PHACTR1: variants seen among roughly 807,000 people sequenced by gnomAD.
PHACTR1 encodes phosphatase and actin regulator 1, also known as RPEL repeat containing 1.
In PHACTR1, 16 loss-of-function variants were observed where a neutral mutation model predicts 69.2. The observed-to-expected ratio is 0.23, with a 90% confidence interval of 0.16 to 0.35. The LOEUF is 0.35. Among genes scored for constraint, PHACTR1 ranks in the 10% least tolerant of loss-of-function variants. PHACTR1 has a pLI of 1.00. For synonymous variants in PHACTR1, 312 were observed against 284.5 expected, an observed-to-expected ratio of 1.10 and a Z score of -0.97; for missense variants, 510 against 734.7, an observed-to-expected ratio of 0.69 and a Z score of 3.54.
At chr6:12,973,220 A>G (rs1794448809) in intron 4 of PHACTR1, among the ~76,000 whole-genome samples, 1 of 152,192 alleles carries the variant, frequency 6.6e-6, no homozygotes, top group Non-Finnish European at 1.5e-5. Flanking sequence ...AGTCTTCCAC[A>G]TTTTGACCTT....
intron 7 of PHACTR1, among the ~76,000 whole-genome samples, chr6:13,202,734 C>T (rs1048449161): frequency 2.0e-5 from 3 of 152,220 alleles, no homozygotes; most frequent in Non-Finnish European, 2.9e-5. Flanking sequence ...GCCTCGGCCT[C>T]GAAAAGTGCT....
intron 4 of PHACTR1, among the ~76,000 whole-genome samples, chr6:12,902,515 G>A (rs1561994967): frequency 1.3e-5 from 2 of 152,066 alleles, no homozygotes; most frequent in South Asian, 4.2e-4. Context: ...GAACTTCTAG[G>A]TTCTTCCATT....
chr6:12,912,057 G>A (rs766338849), intron 4 of PHACTR1, among the ~76,000 whole-genome samples: 3 of 152,222 alleles, frequency 2.0e-5, no homozygotes, highest in African/African-American at 4.8e-5. Context: ...GAGTGCAGTG[G>A]TGAGATCTCG....
In PHACTR1 at chr6:12,890,602, C is replaced by T. The variant is rs75846137; in HGVS notation, c.250+140812C>T. 8.8e-3 allele frequency among the ~76,000 whole-genome samples: 1,343 copies of T among 152,232 alleles called. 25 individuals are homozygous for T. Among genetic ancestry groups the T allele is most frequent in the African/African-American group, 0.03 (1,250 of 41,530 alleles). ...GAACACAAACACATCAAACACATTC[C>T]CTTCTTAGGGCCTTTGCTCTAGGCG... On this transcript the variant is annotated intron_variant, in intron 4 of 14. Coordinates refer to ENST00000332995, the MANE Select transcript of PHACTR1 (RefSeq NM_030948.6).
At chr6:12,729,629 C>G (rs1763235243) in intron 3 of PHACTR1, among the ~76,000 whole-genome samples, 1 of 152,108 alleles carries the variant, frequency 6.6e-6, no homozygotes, top group Admixed American at 6.5e-5. Context: ...CAAGGAATCC[C>G]AAAGCTGATA....
At chr6:12,747,748 A>G (rs954146751) in intron 3 of PHACTR1, among the ~76,000 whole-genome samples, 4 of 152,272 alleles carry the variant, frequency 2.6e-5, no homozygotes, top group Admixed American at 6.5e-5. Flanking sequence ...GGAAATGTTT[A>G]TAGTTAAGAA....
intron 4 of PHACTR1, among the ~76,000 whole-genome samples, chr6:12,970,591 A>G (rs1794079861): frequency 1.3e-5 from 2 of 152,152 alleles, no homozygotes; most frequent in South Asian, 4.1e-4. Flanking sequence ...CCCTGTGTCT[A>G]CTAAAAATAC....
At chr6:12,906,759 C>T (rs1469395834) in intron 4 of PHACTR1, among the ~76,000 whole-genome samples, 2 of 152,146 alleles carry the variant, frequency 1.3e-5, no homozygotes, top group African/African-American at 4.8e-5. Context: ...GAATGGGAAA[C>T]CCACTCTCAG....
Position 13,284,553 on chromosome 6 carries a change from T to A in PHACTR1, c.1650+991T>A, listed in dbSNP as rs1189047458. Among the ~76,000 whole-genome samples, 371 of 109,132 alleles carry A rather than the reference T, an allele frequency of 3.4e-3. 2 individuals carry two copies. The highest frequency in any genetic ancestry group is 4.9e-3 in the African/African-American group (104 of 21,370). 71.6% of individuals were successfully genotyped at this position (109,132 alleles called of 152,430 possible). A position where few individuals can be genotyped will look rare whatever the true frequency, so the allele number is the denominator to read the frequency against. On this transcript the variant is annotated intron_variant, in intron 13 of 14. Transcript: ENST00000332995. ...AAAAAAAAAAAAAAAAATATATATA[T>A]ATATATATATATATATAGATACACG...
intron 4 of PHACTR1, 103 bp from the exon 5 acceptor site, chr6:13,053,262 T>C (rs1806236683): frequency 1.6e-6 from 2 of 1,224,482 alleles, no homozygotes; most frequent in Admixed American, 2.9e-5. Context: ...AGTCACGTGG[T>C]TTCTGTTATC....
At chr6:12,793,300 C>G (rs372500721) in intron 4 of PHACTR1, among the ~76,000 whole-genome samples, 2 of 152,144 alleles carry the variant, frequency 1.3e-5, no homozygotes, top group African/African-American at 4.8e-5. Flanking sequence ...AAATGCAAAG[C>G]TTTGCATATT....
At chr6:12,948,656 G>A (rs377695237) in intron 4 of PHACTR1, among the ~76,000 whole-genome samples, 5 of 152,144 alleles carry the variant, frequency 3.3e-5, no homozygotes, top group East Asian at 1.9e-4. Context: ...GACCCTGCCC[G>A]ATTCCGGTAC....
At chr6:13,286,941 A>G (rs768298330) in intron 14 of PHACTR1, 122 bp from the exon 15 acceptor site, 31 of 1,012,064 alleles carry the variant, frequency 3.1e-5, no homozygotes, top group Non-Finnish European at 4.4e-5. Flanking sequence ...TGTGGGGATG[A>G]CGGTGGGAAG....
At chr6:12,934,073 C>A in intron 4 of PHACTR1, 1 of 1,221,594 alleles carries the variant, frequency 8.2e-7, no homozygotes, top group Non-Finnish European at 1.1e-6. Flanking sequence ...GGCCACGGTC[C>A]TTTTGCAGGC....
intron 8 of PHACTR1, among the ~76,000 whole-genome samples, chr6:13,210,870 C>T (rs938849777): frequency 1.3e-5 from 2 of 149,752 alleles, no homozygotes; most frequent in Non-Finnish European, 3.0e-5. Flanking sequence ...TCCCCTCACC[C>T]TGGTGAGCCA....
intron 4 of PHACTR1, among the ~76,000 whole-genome samples, chr6:12,774,240 A>C (rs188880724): frequency 6.6e-6 from 1 of 152,228 alleles, no homozygotes; most frequent in Admixed American, 6.5e-5. Context: ...TTTGCTTAAC[A>C]CTCTACAATT....
intron 7 of PHACTR1, among the ~76,000 whole-genome samples, chr6:13,185,408 G>A (rs1357257568): frequency 6.7e-6 from 1 of 150,014 alleles, no homozygotes; most frequent in Non-Finnish European, 1.5e-5. Flanking sequence ...TTATTGATCT[G>A]AAGCCCAGTG....
At chr6:12,918,821 A>G (rs1787306540) in intron 4 of PHACTR1, among the ~76,000 whole-genome samples, 1 of 152,222 alleles carries the variant, frequency 6.6e-6, no homozygotes, top group Non-Finnish European at 1.5e-5. Flanking sequence ...CCATTTGAAT[A>G]TAATTTGCAC....
In PHACTR1 at chr6:13,078,404, A is replaced by G. The variant is rs191208318; in HGVS notation, c.415+24875A>G. 1.7e-3 allele frequency among the ~76,000 whole-genome samples: 262 copies of G among 152,280 alleles called. 2 individuals carry two copies. Among genetic ancestry groups the G allele is most frequent in the Admixed American group, 3.0e-3 (46 of 15,288 alleles). On this transcript the variant is annotated intron_variant, in intron 5 of 14. Coordinates refer to ENST00000332995, the MANE Select transcript of PHACTR1 (RefSeq NM_030948.6). ...TCCAACATGACCTTATCTTAATCCA[A>G]TGGGTGATATCTTCAACAACCCTGT...
Sources: gnomAD v4.1 joint callset for allele counts (sites outside exome capture counted in the v4.1 genomes callset) on GRCh38, gnomAD v4.1.1 for gene constraint, MANE v1.5 for transcripts, NCBI Gene and HGNC (gene_info 2026-07-23, HGNC 2026-07-21) for gene names.